The following NCAM2 variants were observed in gnomAD, a reference collection of about 807,000 sequenced individuals.
NCAM2 encodes the protein N-CAM-2.
In NCAM2, 30 loss-of-function variants were observed where a neutral mutation model predicts 98.1. The observed-to-expected ratio is 0.31, with a 90% CI of 0.23 to 0.41. NCAM2 has a LOEUF of 0.41. NCAM2 is among the 10% of genes least tolerant of loss of function. The probability of loss-of-function intolerance (pLI) is 1.00; values close to 1 mark genes in which losing one functional copy is unlikely to be tolerated. For missense variants in NCAM2, 867 were observed against 1,005.8 expected (o/e 0.86, Z 1.87); for synonymous variants, 368 against 342.4 (o/e 1.07, Z -0.83).
chr21:21,295,835 TTCTCTCTC>T (rs374173343), intron 5 of NCAM2, among the ~76,000 whole-genome samples: 1 of 113,000 alleles, frequency 8.8e-6, no homozygotes, highest in African/African-American at 3.9e-5. Flanking sequence ...TTTTGTCTGT[TTCTCTCTC>T]TCTCTCTCTC....
At chr21:21,175,483 A>T (rs569039726) in intron 1 of NCAM2, among the ~76,000 whole-genome samples, 1 of 152,292 alleles carries the variant, frequency 6.6e-6, no homozygotes, top group South Asian at 2.1e-4. Flanking sequence ...CAGCAGGCTG[A>T]GATCGTGCCA....
intron 1 of NCAM2, among the ~76,000 whole-genome samples, chr21:21,057,993 A>G (rs759697349): frequency 3.9e-5 from 6 of 152,080 alleles, no homozygotes; most frequent in Non-Finnish European, 7.4e-5. Flanking sequence ...TCCTGCTCCC[A>G]ATGAAAATGA....
intron 6 of NCAM2, among the ~76,000 whole-genome samples, chr21:21,327,779 A>G (rs948388945): frequency 1.3e-5 from 2 of 152,218 alleles, no homozygotes; most frequent in Non-Finnish European, 2.9e-5. Context: ...TTAGGACACC[A>G]ACATGTGAAT....
intron 16 of NCAM2, among the ~76,000 whole-genome samples, chr21:21,525,294 G>C (rs1383519572): frequency 2.6e-5 from 4 of 152,042 alleles, no homozygotes; most frequent in Admixed American, 1.3e-4. Flanking sequence ...GACAGAGATA[G>C]AGAAAGAAAA....
At chr21:21,109,721 A>G (rs188643478) in intron 1 of NCAM2, among the ~76,000 whole-genome samples, 10 of 152,296 alleles carry the variant, frequency 6.6e-5, no homozygotes, top group East Asian at 5.8e-4. Context: ...TTCAATTACA[A>G]TAGTATTTTC....
chr21:21,052,438 A>G (rs1344848504), intron 1 of NCAM2, among the ~76,000 whole-genome samples: 1 of 151,938 alleles, frequency 6.6e-6, no homozygotes, highest in African/African-American at 2.4e-5. Context: ...GTAGATGTCC[A>G]TTTCTTAAAT....
intron 1 of NCAM2, among the ~76,000 whole-genome samples, chr21:21,267,554 A>G (rs1257970644): frequency 6.6e-6 from 1 of 152,142 alleles, no homozygotes; most frequent in African/African-American, 2.4e-5. Context: ...TGGATTGTGT[A>G]AAGATTTTTC....
At chr21:21,243,778 G>A (rs1286159048) in intron 1 of NCAM2, among the ~76,000 whole-genome samples, 1 of 152,114 alleles carries the variant, frequency 6.6e-6, no homozygotes, top group East Asian at 1.9e-4. Context: ...CACACATCTG[G>A]GAGCCTTATG....
At chr21:21,337,646 A>T (rs1288187485) in intron 7 of NCAM2, among the ~76,000 whole-genome samples, 3 of 152,040 alleles carry the variant, frequency 2.0e-5, no homozygotes, top group Non-Finnish European at 2.9e-5. Flanking sequence ...TCAAAAAATA[A>T]AGCTCTCTGG....
intron 12 of NCAM2, among the ~76,000 whole-genome samples, chr21:21,457,175 G>A (rs73216008): frequency 0.14 from 20,744 of 151,884 alleles, 1,423 homozygotes; most frequent in Admixed American, 0.14. Context: ...TTCTTGTGAG[G>A]GCCCACAAGG....
At chr21:21,310,399 A>G (rs2074008512) in intron 5 of NCAM2, among the ~76,000 whole-genome samples, 1 of 152,168 alleles carries the variant, frequency 6.6e-6, no homozygotes, top group African/African-American at 2.4e-5. Context: ...GTAGGAAGTG[A>G]AGGAATCTTC....
intron 1 of NCAM2, among the ~76,000 whole-genome samples, chr21:21,133,194 A>G (rs944668358): frequency 4.6e-5 from 7 of 152,202 alleles, no homozygotes; most frequent in Admixed American, 3.3e-4. Context: ...GTAAGATACA[A>G]TGATAATACT....
At chr21:21,537,446 A>G (rs1222593999) in intron 17 of NCAM2, among the ~76,000 whole-genome samples, 1 of 152,164 alleles carries the variant, frequency 6.6e-6, no homozygotes, top group Non-Finnish European at 1.5e-5. Flanking sequence ...ACATTTAAAA[A>G]TATTTTGGCA....
chr21:21,207,078 A>T (rs965569901), intron 1 of NCAM2, among the ~76,000 whole-genome samples: 16 of 152,170 alleles, frequency 1.1e-4, no homozygotes, highest in African/African-American at 2.9e-4. Context: ...TAAACTATAG[A>T]CATTGTGATT....
intron 15 of NCAM2, among the ~76,000 whole-genome samples, chr21:21,482,471 AATTT>A (rs1348153837): frequency 1.3e-5 from 2 of 152,036 alleles, no homozygotes; most frequent in African/African-American, 4.8e-5. Context: ...AAGTGGTTTT[AATTT>A]ATTTTTATAT....
In NCAM2 at chr21:21,477,687, G is replaced by A. The variant is rs147204786; in HGVS notation, c.2077+216G>A. Among the ~76,000 whole-genome samples, 347 of 152,202 alleles carry A rather than the reference G, an allele frequency of 2.3e-3. 2 individuals carry two copies. The highest frequency in any genetic ancestry group is 7.9e-3 in the African/African-American group (328 of 41,544). On this transcript the variant is annotated intron_variant, in intron 15 of 17. Transcript: ENST00000400546. ...ATATATTTTGACCCCATTAATAGTTGGAGTGGTGGAGAAAGAATGACTAGG... is the reference window on the plus strand; with the variant it reads ...ATATATTTTGACCCCATTAATAGTTAGAGTGGTGGAGAAAGAATGACTAGG...
chr21:20,999,582 G>A (rs1407464950), intron 1 of NCAM2, among the ~76,000 whole-genome samples: 3 of 152,096 alleles, frequency 2.0e-5, no homozygotes, highest in African/African-American at 7.2e-5. Flanking sequence ...AGTCTTTAAA[G>A]GAAAAATAAA....
In NCAM2 at chr21:21,040,027, G is replaced by C. The variant is rs539599639; in HGVS notation, c.55+41409G>C. Among the ~76,000 whole-genome samples, 55 of 152,234 alleles carry C rather than the reference G, an allele frequency of 3.6e-4. No individual in the cohort carries two copies. The Middle Eastern group carries it at 0.017, about 47-fold the overall frequency. On this transcript the variant is annotated intron_variant, in intron 1 of 17. Transcript: ENST00000400546. ...ACATTGCCAGTTATTACTGTTAAGG[G>C]CAACCTTCGCTAGCACATTGTAATT... is the stretch of plus-strand genomic sequence containing the variant.
chr21:21,015,592 A>G (rs990646711), intron 1 of NCAM2, among the ~76,000 whole-genome samples: 2 of 152,142 alleles, frequency 1.3e-5, no homozygotes, highest in African/African-American at 4.8e-5. Flanking sequence ...GCCCTGGAAA[A>G]CCAAAAAAAA....
Sources: gnomAD v4.1 joint callset for allele counts (sites outside exome capture counted in the v4.1 genomes callset) on GRCh38, gnomAD v4.1.1 for gene constraint, MANE v1.5 for transcripts, NCBI Gene and HGNC (gene_info 2026-07-23, HGNC 2026-07-21) for gene names.